The following AXDND1 variants were observed in gnomAD, a reference collection of about 807,000 sequenced individuals.
AXDND1 encodes axonemal dynein light chain domain-containing protein 1.
In AXDND1, 110 loss-of-function variants were observed where a neutral mutation model predicts 137.5. That is an observed-to-expected ratio of 0.80 (90% CI 0.69 to 0.94). The LOEUF (loss-of-function observed/expected upper bound fraction) is 0.94, where lower values mean the gene tolerates loss of function less well. Ranked by LOEUF, AXDND1 falls within the 40% of genes least tolerant of loss-of-function variation. The pLI is 0.00. For synonymous variants in AXDND1, 414 were observed against 399.7 expected (o/e 1.04, Z -0.43); for missense variants, 1,191 against 1,169.8 (o/e 1.02, Z -0.26).
At chr1:179,539,118 A>C (rs1322534818) in intron 25 of AXDND1, among the ~76,000 whole-genome samples, 2 of 152,178 alleles carry the variant, frequency 1.3e-5, no homozygotes, top group Non-Finnish European at 2.9e-5. Flanking sequence ...AATACAGCAC[A>C]CTGATGGGTC....
intron 23 of AXDND1, among the ~76,000 whole-genome samples, chr1:179,528,754 G>T (rs1670786389): frequency 6.7e-6 from 1 of 150,118 alleles, no homozygotes; most frequent in African/African-American, 2.4e-5. Flanking sequence ...ACCATGCCCG[G>T]CTAATTTTTG....
intron 25 of AXDND1, chr1:179,552,246 T>C (rs1227947816): frequency 1.7e-5 from 6 of 356,650 alleles, no homozygotes; most frequent in Non-Finnish European, 3.3e-5. Flanking sequence ...GGGATACAGT[T>C]CTAGGGGATA....
intron 12 of AXDND1, among the ~76,000 whole-genome samples, chr1:179,422,045 GA>G (rs71111997): frequency 0.68 from 88,155 of 130,246 alleles, 27,653 homozygotes; most frequent in Middle Eastern, 0.72. Flanking sequence ...CATCTCAAAA[GA>G]AAAAAAAAAA....
intron 1 of AXDND1, 86 bp from the exon 2 acceptor site, chr1:179,366,318 T>C (rs1667391230): frequency 2.0e-6 from 1 of 492,776 alleles, no homozygotes; most frequent in South Asian, 2.3e-5. Context: ...CCATGCTAGA[T>C]GAATTCTAAA....
intron 21 of AXDND1, among the ~76,000 whole-genome samples, chr1:179,517,695 C>A (rs547129238): frequency 6.6e-6 from 1 of 152,356 alleles, no homozygotes; most frequent in East Asian, 1.9e-4. Flanking sequence ...AGGTTGGAAA[C>A]TTCTCCTGCA....
chr1:179,541,295 C>G (rs1387732090), intron 25 of AXDND1, among the ~76,000 whole-genome samples: 1 of 152,112 alleles, frequency 6.6e-6, no homozygotes, highest in African/African-American at 2.4e-5. Context: ...CTGGATGAGG[C>G]GACGCCCTGC....
chr1:179,464,660 C>T (rs537508766), intron 16 of AXDND1, among the ~76,000 whole-genome samples: 3 of 152,116 alleles, frequency 2.0e-5, no homozygotes, highest in Non-Finnish European at 2.9e-5. Flanking sequence ...GAATGTTGGC[C>T]TGCCTTGCTA....
rs1011665313 is a variant in AXDND1, at chr1:179,414,455, C to T, written c.1230+3189C>T. Among the ~76,000 whole-genome samples the T allele has an allele frequency of 4.8e-5, 7 of 144,438 alleles. 1 individual carries two copies. The highest frequency in any genetic ancestry group is 3.0e-5 in the Non-Finnish European group (2 of 65,832). The allele number at this position is 144,438 out of a possible 152,430, so 94.8% of individuals were successfully genotyped here. On this transcript the variant is annotated intron_variant, in intron 12 of 25. Coordinates refer to ENST00000367618, the MANE Select transcript of AXDND1 (RefSeq NM_144696.6). Reference sequence around the variant, plus strand: ...TATTTATTTTTTTGAGATGGAGTCTCGCTCTTTCACCCATGCTGGAGTGCA... The same window carrying T: ...TATTTATTTTTTTGAGATGGAGTCTTGCTCTTTCACCCATGCTGGAGTGCA...
At chr1:179,512,525 A>G (rs1669153851) in intron 21 of AXDND1, among the ~76,000 whole-genome samples, 1 of 152,158 alleles carries the variant, frequency 6.6e-6, no homozygotes, top group Non-Finnish European at 1.5e-5. Context: ...CTTCATGCTT[A>G]GTCTTGCTTT....
At chr1:179,470,542 G>A (rs1195556995) in intron 17 of AXDND1, among the ~76,000 whole-genome samples, 3 of 152,000 alleles carry the variant, frequency 2.0e-5, no homozygotes, top group Non-Finnish European at 4.4e-5. Context: ...CTTTTTAAAT[G>A]TTATTGCAAA....
At chr1:179,541,554 C>T (rs533014658) in intron 25 of AXDND1, among the ~76,000 whole-genome samples, 1 of 151,238 alleles carries the variant, frequency 6.6e-6, no homozygotes, top group Non-Finnish European at 1.5e-5. Context: ...ACAGGTAATA[C>T]TTGTGAGTAG....
intron 20 of AXDND1, among the ~76,000 whole-genome samples, chr1:179,496,553 C>G (rs1372997171): frequency 6.6e-6 from 1 of 151,930 alleles, no homozygotes; most frequent in Non-Finnish European, 1.5e-5. Flanking sequence ...TGTCCACTGT[C>G]TCATTCTGTT....
intron 25 of AXDND1, among the ~76,000 whole-genome samples, chr1:179,537,164 C>T (rs866871406): frequency 2.0e-5 from 3 of 152,202 alleles, no homozygotes; most frequent in Non-Finnish European, 4.4e-5. Flanking sequence ...CAAACAGAGA[C>T]AATTTGACTT....
chr1:179,399,282 C>G (rs1280131386), intron 11 of AXDND1, among the ~76,000 whole-genome samples: 6 of 152,174 alleles, frequency 3.9e-5, no homozygotes, highest in Admixed American at 3.9e-4. Flanking sequence ...CAAATACTTA[C>G]AGCCAATTGA....
intron 15 of AXDND1, among the ~76,000 whole-genome samples, chr1:179,433,297 T>G (rs1032192947): frequency 2.0e-5 from 3 of 152,102 alleles, no homozygotes; most frequent in African/African-American, 7.2e-5. Context: ...ATTTTGTTAA[T>G]TTTTTCAAAA....
chr1:179,530,218 A>G (rs149863198), intron 23 of AXDND1, among the ~76,000 whole-genome samples: 112 of 152,076 alleles, frequency 7.4e-4, no homozygotes, highest in African/African-American at 2.5e-3. Context: ...TTTAATAGAG[A>G]TGGGGTTTCA....
At chr1:179,483,671 T>G (rs1256335760) in intron 18 of AXDND1, among the ~76,000 whole-genome samples, 2 of 152,234 alleles carry the variant, frequency 1.3e-5, no homozygotes, top group African/African-American at 4.8e-5. Flanking sequence ...TAGGGATTTA[T>G]CTCCATGAAA....
rs1667074018 is a variant in AXDND1 at position 179,492,896 on chromosome 1, C to T, written c.2333C>T (p.Ser778Phe). The T allele has an allele frequency of 6.2e-7, 1 of 1,611,248 alleles. No homozygotes were observed. The highest frequency in any genetic ancestry group is 1.3e-5 in the African/African-American group (1 of 74,758). The change falls in exon 20 of 26, where the codon TCC becomes TTC. Residue 778 changes from serine to phenylalanine, a missense_variant. Coordinates refer to ENST00000367618, the MANE Select transcript of AXDND1 (RefSeq NM_144696.6). The stretch of plus-strand genomic sequence containing the variant: ...GTAACAGCAATGGCTCTGAGTAAAT[C>T]CACTAACTCACACAAAAATGCTACT... ...GMVTAMALSKSTNSHKNATED... is the reference protein window; with the variant it reads ...GMVTAMALSKFTNSHKNATED...
At chr1:179,476,997 T>G (rs1664718830) in intron 17 of AXDND1, among the ~76,000 whole-genome samples, 1 of 152,180 alleles carries the variant, frequency 6.6e-6, no homozygotes, top group Non-Finnish European at 1.5e-5. Flanking sequence ...GTGTCCCATA[T>G]TTCTTCAAGG....
Sources: allele counts gnomAD v4.1 joint callset (sites outside exome capture counted in the v4.1 genomes callset), GRCh38; gene constraint gnomAD v4.1.1; transcripts MANE v1.5; gene names NCBI Gene and HGNC (gene_info 2026-07-23, HGNC 2026-07-21).